The following MAP3K9 variants were observed in gnomAD, a reference collection of about 807,000 sequenced individuals.
The protein encoded by MAP3K9 is mixed lineage kinase 1 (tyr and ser/thr specificity).
MAP3K9 carries 46 observed loss-of-function variants against 95.8 expected under a neutral mutation model. The ratio of observed to expected loss-of-function variants is 0.48; its 90% CI spans 0.38 to 0.61. MAP3K9 has a LOEUF of 0.61. Ranked by LOEUF, MAP3K9 falls within the 20% of genes least tolerant of loss-of-function variation. MAP3K9 has a pLI of 0.00. For missense variants in MAP3K9, 1,296 were observed against 1,474.3 expected, an observed-to-expected ratio of 0.88 and a Z score of 1.98; for synonymous variants, 533 against 593.8, an observed-to-expected ratio of 0.90 and a Z score of 1.49.
chr14:70,761,290 C>T, intron 2 of MAP3K9, 108 bp from the exon 3 acceptor site: 12 of 836,420 alleles, frequency 1.4e-5, no homozygotes, highest in Non-Finnish European at 2.2e-5. Context: ...TGGGCTCCAG[C>T]ATTTAGCTGC....
intron 3 of MAP3K9, among the ~76,000 whole-genome samples, chr14:70,760,560 A>G (rs78738219): frequency 0.01 from 1,584 of 152,288 alleles, 19 homozygotes; most frequent in Non-Finnish European, 0.017. Context: ...AAGAACATTC[A>G]TTGGCTCAGG....
At chr14:70,760,895 A>T in intron 3 of MAP3K9, 107 bp downstream of exon 3, 1 of 1,220,710 alleles carries the variant, frequency 8.2e-7, no homozygotes, top group Non-Finnish European at 1.2e-6. Context: ...ACTTAGACCT[A>T]CTTCAGGTGC....
intron 2 of MAP3K9, among the ~76,000 whole-genome samples, chr14:70,789,642 C>T (rs900251781): frequency 3.3e-5 from 5 of 152,184 alleles, no homozygotes; most frequent in African/African-American, 1.2e-4. Context: ...CTATCTAACT[C>T]CCAAGGCGGT....
intron 2 of MAP3K9, among the ~76,000 whole-genome samples, chr14:70,764,012 C>T (rs535277533): frequency 3.4e-5 from 5 of 148,460 alleles, no homozygotes; most frequent in East Asian, 2.0e-4. Flanking sequence ...GGTGAAACCC[C>T]GTCTCTACTA....
At chr14:70,801,607 A>G (rs1272605752) in intron 1 of MAP3K9, among the ~76,000 whole-genome samples, 1 of 152,170 alleles carries the variant, frequency 6.6e-6, no homozygotes, top group East Asian at 1.9e-4. Context: ...GGTGAGAAGC[A>G]CCCAACTCAG....
chr14:70,798,090 C>T (rs2054884473), intron 2 of MAP3K9, among the ~76,000 whole-genome samples: 1 of 152,230 alleles, frequency 6.6e-6, no homozygotes, highest in Admixed American at 6.5e-5. Context: ...AGAGTTTTGT[C>T]TCCTGAATAA....
Position 70,809,128 on chromosome 14 carries a change from G to A in MAP3K9, c.44C>T (p.Ala15Val). 1 of 1,380,958 alleles carries A rather than the reference G, an allele frequency of 7.2e-7. No homozygotes were observed. The allele number at this position is 1,380,958 out of a possible 1,614,324, so 85.5% of individuals were successfully genotyped here. ...RALLGCLASA[A>V]AAAPPGEDGA... The stretch of plus-strand genomic sequence containing the variant: ...ATCCTCCCCCGGCGGGGCGGCAGCG[G>A]CGGCGCTCGCTAGGCAGCCGAGAAG... Residue 15 changes from alanine (A) to valine (V), a missense_variant, in exon 1 of 12, where the codon GCC becomes GTC. This residue lies in a region of MAP3K9 where 338 missense variants were observed against 363.4 expected (regional missense o/e 0.93). Transcript: ENST00000554752.
chr14:70,778,418 G>A (rs2054628852), intron 2 of MAP3K9, among the ~76,000 whole-genome samples: 1 of 152,072 alleles, frequency 6.6e-6, no homozygotes, highest in African/African-American at 2.4e-5. Flanking sequence ...TGGGATTACA[G>A]GTATGTGCCA....
intron 7 of MAP3K9, among the ~76,000 whole-genome samples, chr14:70,739,278 T>C (rs1196348228): frequency 1.3e-5 from 2 of 152,112 alleles, no homozygotes; most frequent in African/African-American, 2.4e-5. Context: ...TACAGATGGG[T>C]GCCACCATGC....
chr14:70,765,725 C>A, intron 2 of MAP3K9, among the ~76,000 whole-genome samples: 2 of 136,038 alleles, frequency 1.5e-5, no homozygotes, highest in Admixed American at 7.8e-5. Flanking sequence ...TAAAATACAC[C>A]AACAACAGCT....
intron 2 of MAP3K9, among the ~76,000 whole-genome samples, chr14:70,774,394 G>A (rs777664644): frequency 3.3e-4 from 51 of 152,298 alleles, no homozygotes; most frequent in East Asian, 1.9e-3. Flanking sequence ...GGCTGGGCGC[G>A]GTGGCTCACG....
intron 2 of MAP3K9, among the ~76,000 whole-genome samples, chr14:70,769,580 A>G (rs1196373344): frequency 6.6e-6 from 1 of 152,184 alleles, no homozygotes; most frequent in Admixed American, 6.5e-5. Flanking sequence ...GTCCAAAATC[A>G]AGGTGTCGGC....
At chr14:70,764,432 C>A in intron 2 of MAP3K9, among the ~76,000 whole-genome samples, 1 of 141,432 alleles carries the variant, frequency 7.1e-6, no homozygotes, top group South Asian at 2.2e-4. Context: ...AAAACAACAA[C>A]AACAAAAAAT....
chr14:70,738,401 G>A lies in MAP3K9; in HGVS notation c.1691-3C>T. 5 of 1,613,512 alleles carry A rather than the reference G, an allele frequency of 3.1e-6. No homozygotes were observed. Among genetic ancestry groups the A allele is most frequent in the Non-Finnish European group, 4.2e-6 (5 of 1,179,792 alleles). The stretch of plus-strand genomic sequence containing the variant: ...TTTGCTGCTTTCACCTGGTGTCACT[G>A]TGAATCACAAGGGTTGGATAGGATC... On this transcript the variant is annotated splice_region_variant and splice_polypyrimidine_tract_variant and intron_variant, in intron 7 of 11. Transcript: ENST00000554752.
At chr14:70,789,332 G>A (rs2054782171) in intron 2 of MAP3K9, among the ~76,000 whole-genome samples, 1 of 152,176 alleles carries the variant, frequency 6.6e-6, no homozygotes, top group Non-Finnish European at 1.5e-5. Context: ...GGGCTACTCA[G>A]GGCTGCCTAA....
chr14:70,723,829 T>C lies in MAP3K9; in HGVS notation c.*6551A>G, dbSNP rs2053784451. 3 of 152,204 alleles carry C rather than the reference T, an allele frequency of 2.0e-5. No homozygotes were observed. The South Asian group carries it at 6.2e-4, about 31-fold the overall frequency. 9.4% of individuals were successfully genotyped at this position (152,204 alleles called of 1,614,324 possible). A position where few individuals can be genotyped will look rare whatever the true frequency, so the allele number is the denominator to read the frequency against. ...TCTTATCATGTATTATTCGTCTTTATAACTAGGCCAGGATACATCTTTGCC... is the reference window on the plus strand; with the variant it reads ...TCTTATCATGTATTATTCGTCTTTACAACTAGGCCAGGATACATCTTTGCC... On this transcript the variant is annotated 3_prime_UTR_variant, in exon 12 of 12. Transcript: ENST00000554752.
At position 70,730,197 on chromosome 14, in the gene MAP3K9, G is replaced by C; in HGVS notation, c.*183C>G. ...CCCTCCAGTGGACACGGGTAGAAAG[G>C]CCCTGCAGGGCAGGAGACCCTCTGA... On this transcript the variant is annotated 3_prime_UTR_variant, in exon 12 of 12. Coordinates refer to ENST00000554752, the MANE Select transcript of MAP3K9 (RefSeq NM_001284230.2). The C allele has an allele frequency of 1.2e-6, 1 of 845,088 alleles. No individual in the cohort carries two copies. The highest frequency in any genetic ancestry group is 1.8e-6 in the Non-Finnish European group (1 of 565,012). The allele number at this position is 845,088 out of a possible 1,614,324, so 52.3% of individuals were successfully genotyped here. A position where few individuals can be genotyped will look rare whatever the true frequency, so the allele number is the denominator to read the frequency against.
At position 70,727,387 on chromosome 14, in the gene MAP3K9, G is replaced by A. The variant is rs568941187; in HGVS notation, c.*2993C>T. ...AGGAGCTGAAGAATCCAAGAAGCAG[G>A]GGCAGAGAGCAGTATCTGTTCCTAT... is the stretch of plus-strand genomic sequence containing the variant. On this transcript the variant is annotated 3_prime_UTR_variant, in exon 12 of 12. Coordinates refer to ENST00000554752, the MANE Select transcript of MAP3K9 (RefSeq NM_001284230.2). 6.6e-6 allele frequency: 1 copy of A among 152,320 alleles called. No individual in the cohort carries two copies. The highest frequency in any genetic ancestry group is 1.5e-5 in the Non-Finnish European group (1 of 68,078). The allele number at this position is 152,320 out of a possible 1,614,324, so 9.4% of individuals were successfully genotyped here.
chr14:70,759,303 G>C (rs2054338349), intron 3 of MAP3K9, among the ~76,000 whole-genome samples: 1 of 152,078 alleles, frequency 6.6e-6, no homozygotes, highest in Middle Eastern at 3.2e-3. Context: ...AAATTAGCCA[G>C]GTGTGGTGCA....
Sources: gnomAD v4.1 joint callset for allele counts (sites outside exome capture counted in the v4.1 genomes callset) on GRCh38, gnomAD v4.1.1 for gene constraint, gnomAD v4.1.1 regional missense constraint, MANE v1.5 for transcripts, NCBI Gene and HGNC (gene_info 2026-07-23, HGNC 2026-07-21) for gene names.